Variants in SLCO3A1 observed in about 807,000 individuals in gnomAD.
SLCO3A1 encodes PGE1 transporter.
A neutral mutation model predicts 63.1 loss-of-function variants in SLCO3A1; 27 were observed. That is an observed-to-expected ratio of 0.43 (90% CI 0.32 to 0.59). SLCO3A1 has a LOEUF of 0.59. SLCO3A1 is among the 20% of genes least tolerant of loss of function. SLCO3A1 has a pLI of 0.09. For missense variants in SLCO3A1, 773 were observed against 945.8 expected, an observed-to-expected ratio of 0.82 and a Z score of 2.40; for synonymous variants, 473 against 409.9, an observed-to-expected ratio of 1.15 and a Z score of -1.86.
chr15:91,934,580 A>T lies in SLCO3A1; in HGVS notation c.646+18122A>T, dbSNP rs117950183. On this transcript the variant is annotated intron_variant, in intron 2 of 9. Coordinates refer to ENST00000318445, the MANE Select transcript of SLCO3A1 (RefSeq NM_013272.4). ...GTTTTGTCATTCTCAAATTCTAGCCATAGCAAAAAGAGTCAACTCTTGTTT... is the reference window on the plus strand; with the variant it reads ...GTTTTGTCATTCTCAAATTCTAGCCTTAGCAAAAAGAGTCAACTCTTGTTT... Among the ~76,000 whole-genome samples, 317 of 152,354 alleles carry T rather than the reference A, an allele frequency of 2.1e-3. 7 individuals carry two copies. The East Asian group carries it at 0.049, about 24-fold the overall frequency.
At chr15:92,025,089 A>G (rs547104616) in intron 2 of SLCO3A1, among the ~76,000 whole-genome samples, 2 of 151,024 alleles carry the variant, frequency 1.3e-5, no homozygotes, top group African/African-American at 4.9e-5. Flanking sequence ...GCATGTCCTC[A>G]TGGTGTGGCA....
intron 9 of SLCO3A1, among the ~76,000 whole-genome samples, chr15:92,161,406 A>T (rs1233657393): frequency 6.6e-6 from 1 of 152,166 alleles, no homozygotes; most frequent in African/African-American, 2.4e-5. Flanking sequence ...GATAACTCGG[A>T]TAACAGCAGG....
chr15:92,092,028 G>A (rs1295778984), intron 2 of SLCO3A1, among the ~76,000 whole-genome samples: 2 of 152,196 alleles, frequency 1.3e-5, no homozygotes, highest in Non-Finnish European at 2.9e-5. Flanking sequence ...GCCCATCTGG[G>A]CCCTGTGGGG....
chr15:92,106,117 G>A (rs1200409742), intron 4 of SLCO3A1, among the ~76,000 whole-genome samples: 3 of 152,188 alleles, frequency 2.0e-5, no homozygotes, highest in East Asian at 1.9e-4. Flanking sequence ...TCTGTTAATC[G>A]TACCTGTTAG....
chr15:92,170,967 G>C lies in SLCO3A1; in HGVS notation c.1997-813G>C, dbSNP rs2048517819. 1.3e-5 allele frequency: 2 copies of C among 152,212 alleles called. 1 individual carries two copies. Among genetic ancestry groups the C allele is most frequent in the South Asian group, 4.1e-4 (2 of 4,828 alleles). 9.4% of individuals were successfully genotyped at this position (152,212 alleles called of 1,614,324 possible). ...AAGACTGTAAGAACGTAGGCCTTGT[G>C]AGAGTGAAGGAAGGATGCTCGAACT... On this transcript the variant is annotated intron_variant, in intron 10 of 10. Transcript: ENST00000424469.
chr15:91,952,532 A>G (rs1409922438), intron 2 of SLCO3A1, among the ~76,000 whole-genome samples: 1 of 152,198 alleles, frequency 6.6e-6, no homozygotes, highest in Non-Finnish European at 1.5e-5. Flanking sequence ...GGTAAGATAG[A>G]CAGAAATGGA....
chr15:91,888,754 G>A (rs1352857794), intron 1 of SLCO3A1, among the ~76,000 whole-genome samples: 1 of 152,084 alleles, frequency 6.6e-6, no homozygotes, highest in South Asian at 2.1e-4. Context: ...AGACAGAGAT[G>A]GAAAGATCAT....
At chr15:91,929,929 T>C (rs958452774) in intron 2 of SLCO3A1, among the ~76,000 whole-genome samples, 1 of 152,212 alleles carries the variant, frequency 6.6e-6, no homozygotes. Context: ...ATATTTTGTT[T>C]GTCCATTCAT....
intron 2 of SLCO3A1, among the ~76,000 whole-genome samples, chr15:92,047,559 A>AAT (rs1364368057): frequency 6.3e-5 from 1 of 15,790 alleles, no homozygotes; most frequent in Non-Finnish European, 1.0e-4. Flanking sequence ...TAAATATATA[A>AAT]ATATATATAT....
rs149178805 is a variant in SLCO3A1, at chr15:91,916,244, C to G, written c.432C>G (p.Ala144=). The change falls in exon 2 of 10, where the codon GCC becomes GCG. Residue 144 remains alanine, a synonymous_variant. Coordinates refer to ENST00000318445, the MANE Select transcript of SLCO3A1 (RefSeq NM_013272.4). The surrounding 1 kb of genome is among the most constrained non-coding windows in gnomAD (Gnocchi z 6.2). ...AGGCGGGCGAGATCCGCTGGGGCGC[C>G]GAGGGCCGCGACGTCTGCGCAGCCA... ...KYEAGEIRWG[A]EGRDVCAANG... 2 of 1,565,566 alleles carry G rather than the reference C, an allele frequency of 1.3e-6. No individual in the cohort carries two copies. Among genetic ancestry groups the G allele is most frequent in the East Asian group, 2.4e-5 (1 of 41,888 alleles).
In SLCO3A1 at chr15:92,120,491, C is replaced by A; in HGVS notation, c.1036C>A (p.Leu346Ile). 6.2e-7 allele frequency: 1 copy of A among 1,614,146 alleles called. No homozygotes were observed. The highest frequency in any genetic ancestry group is 8.5e-7 in the Non-Finnish European group (1 of 1,179,992). The stretch of plus-strand genomic sequence containing the variant: ...GATCCCGAAGGTCACCAAGCACCTG[C>A]TCTCAAACCCTGTGTTCACCTGCAT... ...RVIPKVTKHL[L>I]SNPVFTCIIL... is the part of the protein sequence containing the mutation. The change falls in exon 5 of 10, where the codon CTC becomes ATC. Residue 346 changes from leucine to isoleucine, a missense_variant. Physicochemically the swap from Leu to Ile is conservative, Grantham distance 5. Transcript: ENST00000318445.
At chr15:91,873,425 C>G (rs1897323343) in intron 1 of SLCO3A1, among the ~76,000 whole-genome samples, 1 of 151,596 alleles carries the variant, frequency 6.6e-6, no homozygotes, top group African/African-American at 2.4e-5. Context: ...TATGACGAAA[C>G]AAAAAAGTAG....
chr15:92,109,101 T>C (rs2047699072), intron 4 of SLCO3A1, among the ~76,000 whole-genome samples: 1 of 152,200 alleles, frequency 6.6e-6, no homozygotes, highest in Non-Finnish European at 1.5e-5. Flanking sequence ...CATGTATGTA[T>C]AGACATGGAC....
chr15:91,991,677 A>G (rs2046127684), intron 2 of SLCO3A1, among the ~76,000 whole-genome samples: 1 of 152,260 alleles, frequency 6.6e-6, no homozygotes, highest in Non-Finnish European at 1.5e-5. Context: ...CCAATAAGAA[A>G]AATCACTAAT....
chr15:92,145,153 G>T (rs543041299), intron 7 of SLCO3A1, among the ~76,000 whole-genome samples: 1 of 152,278 alleles, frequency 6.6e-6, no homozygotes, highest in East Asian at 1.9e-4. Flanking sequence ...CTGGGATATG[G>T]AGCCCACTGA....
At chr15:91,928,193 C>T (rs1316257983) in intron 2 of SLCO3A1, among the ~76,000 whole-genome samples, 5 of 152,234 alleles carry the variant, frequency 3.3e-5, no homozygotes, top group Non-Finnish European at 7.3e-5. Context: ...TAGACAAGTG[C>T]GTTAAGCACA....
chr15:92,030,434 T>C (rs2046632428), intron 2 of SLCO3A1, among the ~76,000 whole-genome samples: 1 of 152,168 alleles, frequency 6.6e-6, no homozygotes, highest in South Asian at 2.1e-4. Flanking sequence ...CCTGTATGAT[T>C]ATATTTCGTG....
intron 1 of SLCO3A1, among the ~76,000 whole-genome samples, chr15:91,901,662 A>C (rs1898160464): frequency 6.6e-6 from 1 of 152,220 alleles, no homozygotes; most frequent in Non-Finnish European, 1.5e-5. Context: ...AGAACTTTAA[A>C]TACATTGTTT....
intron 2 of SLCO3A1, among the ~76,000 whole-genome samples, chr15:92,013,129 G>A (rs995936920): frequency 2.6e-5 from 4 of 152,226 alleles, no homozygotes; most frequent in African/African-American, 9.6e-5. Flanking sequence ...GGGTGGCTTT[G>A]CATGTGGCAG....
Sources: allele counts gnomAD v4.1 joint callset (sites outside exome capture counted in the v4.1 genomes callset), GRCh38; gene constraint gnomAD v4.1.1; non-coding constraint Gnocchi (gnomAD v3.1); transcripts MANE v1.5; gene names NCBI Gene and HGNC (gene_info 2026-07-23, HGNC 2026-07-21).